CDK12: variants seen among roughly 807,000 people sequenced by gnomAD.
The protein encoded by CDK12 is cyclin dependent kinase 12.
A neutral mutation model predicts 133.8 loss-of-function variants in CDK12; 17 were observed. The ratio of observed to expected loss-of-function variants is 0.13; its 90% CI spans 0.09 to 0.19. CDK12 has a LOEUF of 0.19. Among genes scored for constraint, CDK12 ranks in the 10% least tolerant of loss-of-function variants. The pLI is 1.00. For synonymous variants in CDK12, 694 were observed against 683.6 expected, an observed-to-expected ratio of 1.02 and a Z score of -0.24; for missense variants, 1,508 against 1,818.7, an observed-to-expected ratio of 0.83 and a Z score of 3.11.
At chr17:39,465,951 G>A (rs757169461) in intron 1 of CDK12, among the ~76,000 whole-genome samples, 1 of 152,130 alleles carries the variant, frequency 6.6e-6, no homozygotes, top group African/African-American at 2.4e-5. Flanking sequence ...AGTAAGAAGT[G>A]CTTCTTTCTA....
At chr17:39,485,597 T>G (rs1209864054) in intron 2 of CDK12, among the ~76,000 whole-genome samples, 3 of 151,726 alleles carry the variant, frequency 2.0e-5, no homozygotes, top group Non-Finnish European at 4.4e-5. Context: ...TGTATTTTGG[T>G]AGAGACAGGG....
chr17:39,495,651 C>T (rs1381426439), intron 5 of CDK12, among the ~76,000 whole-genome samples: 1 of 151,520 alleles, frequency 6.6e-6, no homozygotes, highest in African/African-American at 2.4e-5. Context: ...AAAAATTAGC[C>T]GGACATGGTG....
chr17:39,463,510 T>G (rs1053762436), intron 1 of CDK12, among the ~76,000 whole-genome samples: 1 of 152,172 alleles, frequency 6.6e-6, no homozygotes, highest in African/African-American at 2.4e-5. Flanking sequence ...GGGACCTGGT[T>G]GAAGACTTAA....
At chr17:39,479,104 C>G (rs973528581) in intron 2 of CDK12, among the ~76,000 whole-genome samples, 2 of 151,832 alleles carry the variant, frequency 1.3e-5, no homozygotes, top group African/African-American at 4.8e-5. Flanking sequence ...GTCAGGAGAT[C>G]GAGACCATCC....
chr17:39,544,079 G>A (rs1008529713), upstream of CDK12: 1 of 401,596 alleles, frequency 2.5e-6, no homozygotes, highest in South Asian at 1.9e-5. Flanking sequence ...GTGTACTAAG[G>A]TTAGTCTGAA....
At chr17:39,485,938 ATTTTTCTTTTTTC>A (rs2051088906) in intron 2 of CDK12, among the ~76,000 whole-genome samples, 1 of 150,322 alleles carries the variant, frequency 6.7e-6, no homozygotes, top group Non-Finnish European at 1.5e-5. Flanking sequence ...AAATACCTTA[ATTTTTCTTTTTTC>A]TTTTTCTTTT....
chr17:39,562,971 T>C (rs1020560246), intron 3 of CDK12, among the ~76,000 whole-genome samples: 1 of 148,910 alleles, frequency 6.7e-6, no homozygotes, highest in Non-Finnish European at 1.5e-5. Flanking sequence ...GCATGACTAA[T>C]GGCTAGAGCA....
intron 8 of CDK12, among the ~76,000 whole-genome samples, chr17:39,512,502 C>A (rs1261972810): frequency 6.6e-6 from 1 of 152,174 alleles, no homozygotes; most frequent in East Asian, 1.9e-4. Flanking sequence ...ACAAAACAAT[C>A]CAGTACAAAC....
At chr17:39,494,720 C>T in intron 5 of CDK12, 26 bp downstream of exon 5, 1 of 1,476,610 alleles carries the variant, frequency 6.8e-7, no homozygotes, top group Non-Finnish European at 9.3e-7. Flanking sequence ...CACATTTTTA[C>T]AGGGTAGACT....
At chr17:39,561,803 G>A (rs1597730603) in intron 3 of CDK12, among the ~76,000 whole-genome samples, 1 of 152,014 alleles carries the variant, frequency 6.6e-6, no homozygotes, top group Non-Finnish European at 1.5e-5. Context: ...CTAAGATTAC[G>A]TATCACTCCT....
intron 3 of CDK12, among the ~76,000 whole-genome samples, chr17:39,557,795 A>G (rs1412552191): frequency 6.6e-6 from 1 of 152,150 alleles, no homozygotes; most frequent in East Asian, 1.9e-4. Flanking sequence ...TCTAAATGTC[A>G]TGTAGTATGT....
At chr17:39,527,229 A>G (rs753380124) in intron 13 of CDK12, among the ~76,000 whole-genome samples, 1 of 152,238 alleles carries the variant, frequency 6.6e-6, no homozygotes, top group Non-Finnish European at 1.5e-5. Flanking sequence ...TGCAGAAAGT[A>G]TATGTTTTAA....
At chr17:39,468,150 C>T (rs1170941236) in intron 1 of CDK12, among the ~76,000 whole-genome samples, 1 of 152,136 alleles carries the variant, frequency 6.6e-6, no homozygotes, top group Non-Finnish European at 1.5e-5. Context: ...CCGCCTCAGC[C>T]TCCCAAAATG....
At chr17:39,556,113 C>T (rs1244603122) in intron 2 of CDK12, among the ~76,000 whole-genome samples, 2 of 151,972 alleles carry the variant, frequency 1.3e-5, no homozygotes, top group East Asian at 3.9e-4. Flanking sequence ...CTATTTTCTG[C>T]CTGCCTTTTC....
At chr17:39,468,272 G>A (rs1187978212) in intron 1 of CDK12, among the ~76,000 whole-genome samples, 1 of 152,184 alleles carries the variant, frequency 6.6e-6, no homozygotes, top group Non-Finnish European at 1.5e-5. Flanking sequence ...GAAAATCATC[G>A]CTGCCATTAT....
chr17:39,520,065 C>T lies in CDK12; in HGVS notation c.3073C>T (p.Leu1025Phe). The T allele has an allele frequency of 6.2e-7, 1 of 1,614,052 alleles. No homozygotes were observed. The highest frequency in any genetic ancestry group is 1.1e-5 in the South Asian group (1 of 91,086). Residue 1025 changes from leucine to phenylalanine, a missense_variant, in exon 11 of 14, where the codon CTC (leucine) becomes TTC (phenylalanine). Coordinates refer to ENST00000447079, the MANE Select transcript of CDK12 (RefSeq NM_016507.4). ...LQSDFLKDVELSKMAPPDLPH... is the reference protein window; with the variant it reads ...LQSDFLKDVEFSKMAPPDLPH... The stretch of plus-strand genomic sequence containing the variant: ...GAGCGACTTCCTTAAAGATGTCGAA[C>T]TCAGCAAAATGGCTCCTCCAGAGTA...
downstream of CDK12, among the ~76,000 whole-genome samples, chr17:39,565,638 T>C (rs1346352216): frequency 6.6e-6 from 1 of 151,376 alleles, no homozygotes; most frequent in African/African-American, 2.4e-5. Flanking sequence ...TTCATCATCT[T>C]GGTCAGGCTG....
chr17:39,555,170 G>A (rs1597711788), intron 2 of CDK12, among the ~76,000 whole-genome samples: 1 of 151,224 alleles, frequency 6.6e-6, no homozygotes. Context: ...ACTTGAACCC[G>A]GGAGGCAGAG....
At position 39,462,199 on chromosome 17, in the gene CDK12, A is replaced by G; in HGVS notation, c.128A>G (p.Lys43Arg). The change falls in exon 1 of 14, where the codon AAG (lysine) becomes AGG (arginine). Residue 43 changes from lysine to arginine, a missense_variant. Coordinates refer to ENST00000447079, the MANE Select transcript of CDK12 (RefSeq NM_016507.4). ...CGTCACCGCTTGGTATCGAAGCACA[A>G]GCGGCATAAGTCCAAACACTCCAAA... is the stretch of plus-strand genomic sequence containing the variant. ...RERHRLVSKH[K>R]RHKSKHSKDM... 1 of 1,614,228 alleles carries G rather than the reference A, an allele frequency of 6.2e-7. No homozygotes were observed.
Sources: allele counts gnomAD v4.1 joint callset (sites outside exome capture counted in the v4.1 genomes callset), GRCh38; gene constraint gnomAD v4.1.1; transcripts MANE v1.5; gene names NCBI Gene and HGNC (gene_info 2026-07-23, HGNC 2026-07-21).